ATG10: variants seen among roughly 807,000 people sequenced by gnomAD.
ATG10 encodes ubiquitin-like-conjugating enzyme ATG10.
ATG10 carries 30 observed loss-of-function variants against 32.1 expected under a neutral mutation model. The ratio of observed to expected loss-of-function variants is 0.94; its 90% CI spans 0.70 to 1.27. The LOEUF is 1.27. Among genes scored for constraint, ATG10 ranks in the 50% most tolerant of loss-of-function variants. The pLI is 0.00. For missense variants in ATG10, 233 were observed against 262.3 expected (o/e 0.89, Z 0.77); for synonymous variants, 87 against 91.5 (o/e 0.95, Z 0.28).
chr5:82,118,402 A>ATATATATATATATATATATATATG (rs1309574936), intron 3 of ATG10, among the ~76,000 whole-genome samples: 8 of 136,356 alleles, frequency 5.9e-5, no homozygotes, highest in African/African-American at 2.0e-4. Context: ...ATATATATAT[A>ATATATATATATATATATATATATG]TATGTATGTA....
intron 4 of ATG10, among the ~76,000 whole-genome samples, chr5:82,172,643 A>G (rs928579404): frequency 3.8e-4 from 58 of 152,206 alleles, no homozygotes; most frequent in African/African-American, 1.3e-3. Context: ...TTGGGACTTA[A>G]ACTCTATAGC....
intron 1 of ATG10, among the ~76,000 whole-genome samples, chr5:81,984,303 T>A (rs1472869832): frequency 6.6e-6 from 1 of 152,198 alleles, no homozygotes; most frequent in Non-Finnish European, 1.5e-5. Flanking sequence ...GGCGCGCGCC[T>A]GCAATCGCAG....
At position 82,254,561 on chromosome 5, in the gene ATG10, G is replaced by GAAAAAA. The variant is rs1484582831; in HGVS notation, c.*498_*499insAAAAAA. 1 of 120,782 alleles carries GAAAAAA rather than the reference G, an allele frequency of 8.3e-6. No individual in the cohort carries two copies. The highest frequency in any genetic ancestry group is 1.7e-5 in the Non-Finnish European group (1 of 59,336). The allele number at this position is 120,782 out of a possible 1,614,324, so 7.5% of individuals were successfully genotyped here. A position where few individuals can be genotyped will look rare whatever the true frequency, so the allele number is the denominator to read the frequency against. ...GTGACAGAGCCAGACACTGTCTCGG[G>GAAAAAA]GAAAAAAAAAAAAAAAAAAAGACAC... is the stretch of plus-strand genomic sequence containing the variant. On this transcript the variant is annotated 3_prime_UTR_variant, in exon 8 of 8. Transcript: ENST00000282185.
chr5:81,976,167 A>AT (rs34643030), intron 1 of ATG10: 7,597 of 141,018 alleles, frequency 0.054, 279 homozygotes, highest in Non-Finnish European at 0.079. Flanking sequence ...TGCCCGGCTA[A>AT]TTTTTTTTTT....
chr5:82,041,398 C>T (rs1377323283), intron 2 of ATG10, among the ~76,000 whole-genome samples: 5 of 152,100 alleles, frequency 3.3e-5, no homozygotes, highest in Non-Finnish European at 7.4e-5. Flanking sequence ...GTTTAGGATT[C>T]ATATAAAATA....
chr5:82,180,036 T>C (rs534173519), intron 5 of ATG10, among the ~76,000 whole-genome samples: 47 of 152,166 alleles, frequency 3.1e-4, no homozygotes, highest in Non-Finnish European at 6.3e-4. Context: ...TTCTGCTCCT[T>C]TCCTCTCTGC....
intron 2 of ATG10, among the ~76,000 whole-genome samples, chr5:82,023,318 A>T (rs1561259726): frequency 1.3e-5 from 2 of 152,158 alleles, no homozygotes; most frequent in Admixed American, 1.3e-4. Context: ...ACATGTAATC[A>T]TGAGTGTTTC....
chr5:82,151,845 C>T (rs895318210), intron 3 of ATG10, among the ~76,000 whole-genome samples: 7 of 114,570 alleles, frequency 6.1e-5, no homozygotes, highest in Non-Finnish European at 1.2e-4. Context: ...TTGAATAAAA[C>T]CTCTTACAGC....
intron 5 of ATG10, among the ~76,000 whole-genome samples, chr5:82,202,523 G>T (rs901386211): frequency 5.9e-5 from 9 of 152,288 alleles, no homozygotes; most frequent in African/African-American, 2.2e-4. Flanking sequence ...CTATACAGGG[G>T]TGAGCTAAGA....
chr5:82,116,194 TTG>T (rs1209772729), intron 3 of ATG10, among the ~76,000 whole-genome samples: 1 of 152,062 alleles, frequency 6.6e-6, no homozygotes, highest in African/African-American at 2.4e-5. Flanking sequence ...ACCAAATTAT[TTG>T]TGTTATCAAA....
chr5:82,167,593 C>G (rs1743632360), intron 4 of ATG10, among the ~76,000 whole-genome samples: 1 of 152,174 alleles, frequency 6.6e-6, no homozygotes, highest in East Asian at 1.9e-4. Context: ...ATCTATGTAT[C>G]TTTACTCTTT....
intron 2 of ATG10, among the ~76,000 whole-genome samples, chr5:82,014,603 T>C (rs1457051398): frequency 2.6e-5 from 4 of 152,364 alleles, no homozygotes; most frequent in Non-Finnish European, 1.5e-5. Flanking sequence ...TTGTCTCTTT[T>C]GATCTTTGTT....
At chr5:81,995,052 G>T (rs1443897440) in intron 2 of ATG10, among the ~76,000 whole-genome samples, 1 of 152,118 alleles carries the variant, frequency 6.6e-6, no homozygotes, top group Non-Finnish European at 1.5e-5. Context: ...GAAAAACATT[G>T]TATAATCTCG....
Position 82,090,755 on chromosome 5 carries a change from G to A in ATG10, c.216+32153G>A, listed in dbSNP as rs147296309. On this transcript the variant is annotated intron_variant, in intron 3 of 7. Coordinates refer to ENST00000282185, the MANE Select transcript of ATG10 (RefSeq NM_031482.5). ...TTGTAATTTTGCAGTATAATTTTGC[G>A]AGATGTTGCCATTGGGAGAAATTGA... Among the ~76,000 whole-genome samples, 11 of 152,210 alleles carry A rather than the reference G, an allele frequency of 7.2e-5. No individual in the cohort carries two copies. The East Asian group carries it at 1.7e-3, about 24-fold the overall frequency.
Position 82,081,512 on chromosome 5 carries a change from T to G in ATG10, c.216+22910T>G, listed in dbSNP as rs185934096. ...CTGTGGGTTTGTCATAAATAGCTCT[T>G]ATTATTTTGCAATATGTCCCATGAA... On this transcript the variant is annotated intron_variant, in intron 3 of 7. Transcript: ENST00000282185. 1.5e-3 allele frequency among the ~76,000 whole-genome samples: 235 copies of G among 152,354 alleles called. 2 individuals are homozygous for G. In the South Asian group the frequency reaches 0.027, roughly 18 times the overall value.
chr5:82,111,264 T>C (rs1348605610), intron 3 of ATG10: 1 of 152,050 alleles, frequency 6.6e-6, no homozygotes, highest in Non-Finnish European at 1.5e-5. Flanking sequence ...ACCTTGACTT[T>C]TCTAACCCAG....
intron 4 of ATG10, among the ~76,000 whole-genome samples, chr5:82,173,538 A>G (rs2149914640): frequency 6.6e-6 from 1 of 152,336 alleles, no homozygotes; most frequent in South Asian, 2.1e-4. Flanking sequence ...ATACAGGCAC[A>G]TAGTAGGCAC....
At chr5:82,148,593 T>C (rs1054423794) in intron 3 of ATG10, among the ~76,000 whole-genome samples, 4 of 152,164 alleles carry the variant, frequency 2.6e-5, no homozygotes, top group African/African-American at 9.7e-5. Context: ...TACCTGTAGT[T>C]TTTCTGTTTT....
At chr5:82,109,844 T>C (rs936385407) in intron 3 of ATG10, among the ~76,000 whole-genome samples, 2 of 151,736 alleles carry the variant, frequency 1.3e-5, no homozygotes, top group Admixed American at 1.3e-4. Context: ...AGGGTACATG[T>C]GCACAATGTG....
Sources: gnomAD v4.1 joint callset for allele counts (sites outside exome capture counted in the v4.1 genomes callset) on GRCh38, gnomAD v4.1.1 for gene constraint, MANE v1.5 for transcripts, NCBI Gene and HGNC (gene_info 2026-07-23, HGNC 2026-07-21) for gene names.